Variants in IGFBP5 observed in about 807,000 individuals in gnomAD.
IGFBP5 encodes the protein insulin like growth factor binding protein 5, also known as insulin-like growth factor-binding protein 5.
In IGFBP5, 12 loss-of-function variants were observed where a neutral mutation model predicts 28.0. The ratio of observed to expected loss-of-function variants is 0.43; its 90% CI spans 0.27 to 0.69. The LOEUF is 0.69. Among genes scored for constraint, IGFBP5 ranks in the 30% least tolerant of loss-of-function variants. IGFBP5 has a pLI of 0.20. For missense variants in IGFBP5, 344 were observed against 381.6 expected (o/e 0.90, Z 0.82); for synonymous variants, 152 against 150.2 (o/e 1.01, Z -0.09).
At chr2:216,682,785 T>TTG (rs1688991276) in intron 1 of IGFBP5, among the ~76,000 whole-genome samples, 1 of 151,376 alleles carries the variant, frequency 6.6e-6, no homozygotes, top group East Asian at 2.0e-4. Flanking sequence ...CTCGGCTCAC[T>TTG]GTAAGCTCCG....
At chr2:216,677,973 T>G in intron 3 of IGFBP5, 139 bp downstream of exon 3, 2 of 673,388 alleles carry the variant, frequency 3.0e-6, no homozygotes, top group Non-Finnish European at 4.6e-6. Context: ...ATGATCGTGG[T>G]ATATGAATGG....
rs1027868830 is a variant in IGFBP5, at chr2:216,672,904, T to C, written c.*3847A>G. The C allele has an allele frequency of 9.8e-5, 15 of 152,710 alleles. No homozygotes were observed. Among genetic ancestry groups the C allele is most frequent in the African/African-American group, 3.4e-4 (14 of 41,482 alleles). The allele number at this position is 152,710 out of a possible 1,614,324, so 9.5% of individuals were successfully genotyped here. A position where few individuals can be genotyped will look rare whatever the true frequency, so the allele number is the denominator to read the frequency against. The stretch of plus-strand genomic sequence containing the variant: ...ACAGTGCAATGTAATTCTTGCACTT[T>C]AGTGGTTTTAAAAACACAGACAGTA... On this transcript the variant is annotated 3_prime_UTR_variant, in exon 4 of 4. Transcript: ENST00000233813.
At position 216,676,683 on chromosome 2, in the gene IGFBP5, A is replaced by G; in HGVS notation, c.*68T>C. 1.2e-6 allele frequency: 1 copy of G among 865,624 alleles called. No homozygotes were observed. The highest frequency in any genetic ancestry group is 1.7e-6 in the Non-Finnish European group (1 of 598,048). The allele number at this position is 865,624 out of a possible 1,614,324, so 53.6% of individuals were successfully genotyped here. A position where few individuals can be genotyped will look rare whatever the true frequency, so the allele number is the denominator to read the frequency against. ...TGAAATGAGTGGCGTCCTGGGGTGG[A>G]GGGAGGCGCTGGCTGGAGTCGGGGC... On this transcript the variant is annotated 3_prime_UTR_variant, in exon 4 of 4. Coordinates refer to ENST00000233813, the MANE Select transcript of IGFBP5 (RefSeq NM_000599.4).
At chr2:216,682,070 C>T (rs1377355522) in intron 1 of IGFBP5, among the ~76,000 whole-genome samples, 1 of 152,220 alleles carries the variant, frequency 6.6e-6, no homozygotes, top group African/African-American at 2.4e-5. Context: ...TGCAAACTCT[C>T]TCCTTTTCCC....
intron 1 of IGFBP5, among the ~76,000 whole-genome samples, chr2:216,693,031 A>G (rs1455489199): frequency 6.6e-6 from 1 of 152,008 alleles, no homozygotes; most frequent in Non-Finnish European, 1.5e-5. Context: ...CCGTAACTAA[A>G]CTGTCTCCGT....
At position 216,676,838 on chromosome 2, in the gene IGFBP5, C is replaced by G; in HGVS notation, c.732G>C (p.Val244=). The G allele has an allele frequency of 6.2e-7, 1 of 1,613,996 alleles. No individual in the cohort carries two copies. The highest frequency in any genetic ancestry group is 8.5e-7 in the Non-Finnish European group (1 of 1,179,930). ...RGRKRGICWC[V]DKYGMKLPGM... is the part of the protein sequence containing the mutation. ...CTGGCAGCTTCATCCCGTACTTGTCCACGCACCAGCAGATGCCACGTTTGC... is the reference window on the plus strand; with the variant it reads ...CTGGCAGCTTCATCCCGTACTTGTCGACGCACCAGCAGATGCCACGTTTGC... Residue 244 remains valine, a synonymous_variant, in exon 4 of 4, where the codon GTG becomes GTC. Coordinates refer to ENST00000233813, the MANE Select transcript of IGFBP5 (RefSeq NM_000599.4).
At chr2:216,683,437 A>G (rs1211070655) in intron 1 of IGFBP5, among the ~76,000 whole-genome samples, 1 of 152,198 alleles carries the variant, frequency 6.6e-6, no homozygotes, top group Non-Finnish European at 1.5e-5. Context: ...TAATCATTCA[A>G]ATAAATCCCT....
chr2:216,679,172 T>C lies in IGFBP5; in HGVS notation c.338-93A>G. ...GGGCAGTTTGGGGTGAGGGGAGTAATAAAGGCTGAAGCAGATGTGTCTCTG... is the reference window on the plus strand; with the variant it reads ...GGGCAGTTTGGGGTGAGGGGAGTAACAAAGGCTGAAGCAGATGTGTCTCTG... On this transcript the variant is annotated intron_variant, in intron 1 of 3. Transcript: ENST00000233813. This position sits in a 1 kb window ranked among gnomAD's most constrained non-coding sequence, Gnocchi z 4.6. The C allele has an allele frequency of 2.1e-6, 2 of 932,010 alleles. No individual in the cohort carries two copies. The highest frequency in any genetic ancestry group is 1.4e-5 in the South Asian group (1 of 73,650). 57.7% of individuals were successfully genotyped at this position (932,010 alleles called of 1,614,324 possible).
At position 216,692,091 on chromosome 2, in the gene IGFBP5, T is replaced by C. The variant is rs1305394325; in HGVS notation, c.337+2348A>G. ...ACTTTTTGGGGACCCGCCCAGTGGT[T>C]GTCCGGCTAAAACGCCCTTTCCAGG... On this transcript the variant is annotated intron_variant, in intron 1 of 3. Transcript: ENST00000233813. The surrounding 1 kb of genome is among the most constrained non-coding windows in gnomAD (Gnocchi z 4.2). Among the ~76,000 whole-genome samples, 9 of 152,104 alleles carry C rather than the reference T, an allele frequency of 5.9e-5. No homozygotes were observed. The highest frequency in any genetic ancestry group is 1.3e-4 in the Non-Finnish European group (9 of 68,028).
At chr2:216,678,004 A>G (rs1410831867) in intron 3 of IGFBP5, 108 bp downstream of exon 3, 2 of 1,082,572 alleles carry the variant, frequency 1.8e-6, no homozygotes, top group East Asian at 2.9e-5. Context: ...CCCAGGAAAC[A>G]CTAAGTGGTT....
chr2:216,677,361 G>C (rs1190136377), intron 3 of IGFBP5, among the ~76,000 whole-genome samples: 1 of 152,188 alleles, frequency 6.6e-6, no homozygotes, highest in Non-Finnish European at 1.5e-5. Flanking sequence ...AAGGAGGCAT[G>C]ATTTGTGGTG....
rs969192686 is a variant in IGFBP5, at chr2:216,672,181, A to C, written c.*4570T>G. The C allele has an allele frequency of 6.6e-6, 1 of 152,374 alleles. No individual in the cohort carries two copies. Among genetic ancestry groups the C allele is most frequent in the African/African-American group, 2.4e-5 (1 of 41,584 alleles). 9.4% of individuals were successfully genotyped at this position (152,374 alleles called of 1,614,324 possible). Reference sequence around the variant, plus strand: ...AAGATCAAGGAGTAACATAAATTATAAGTTGAATAAATAGTATACAGCAAT... The same window carrying C: ...AAGATCAAGGAGTAACATAAATTATCAGTTGAATAAATAGTATACAGCAAT... On this transcript the variant is annotated 3_prime_UTR_variant, in exon 4 of 4. Transcript: ENST00000233813.
intron 1 of IGFBP5, among the ~76,000 whole-genome samples, chr2:216,684,644 C>T (rs1171049000): frequency 6.6e-6 from 1 of 152,188 alleles, no homozygotes; most frequent in African/African-American, 2.4e-5. Context: ...ATTCTAGTCC[C>T]CCCTGTGGAA....
At chr2:216,680,218 C>G (rs558635767) in intron 1 of IGFBP5, among the ~76,000 whole-genome samples, 1 of 152,134 alleles carries the variant, frequency 6.6e-6, no homozygotes, top group East Asian at 1.9e-4. Flanking sequence ...TCATTGCCTC[C>G]CTCTTTTTTC....
chr2:216,681,434 G>A (rs528580552), intron 1 of IGFBP5, among the ~76,000 whole-genome samples: 5 of 152,260 alleles, frequency 3.3e-5, no homozygotes, highest in Admixed American at 1.3e-4. Flanking sequence ...CAGCGCATGC[G>A]TCTATGCGTC....
chr2:216,688,395 C>T (rs1271299745), intron 1 of IGFBP5, among the ~76,000 whole-genome samples: 1 of 152,018 alleles, frequency 6.6e-6, no homozygotes, highest in Non-Finnish European at 1.5e-5. Flanking sequence ...TTATTTTGAG[C>T]GTGTGGTGAA....
Position 216,678,900 on chromosome 2 carries a change from C to A in IGFBP5, c.517G>T (p.Ala173Ser), listed in dbSNP as rs753648042. ...SKFVGGAENTAHPRIISAPEM... is the reference protein window; with the variant it reads ...SKFVGGAENTSHPRIISAPEM... ...GGTGCAGAGATGATCCGGGGGTGGG[C>A]AGTGTTCTCGGCTCCCCCGACAAAC... The change falls in exon 2 of 4, where the codon GCC (alanine) becomes TCC (serine). Residue 173 changes from alanine to serine, a missense_variant. By Grantham distance (99) the Ala-to-Ser change is moderately conservative. This residue lies in a region of IGFBP5 where 304 missense variants were observed against 329.2 expected (regional missense o/e 0.92). Coordinates refer to ENST00000233813, the MANE Select transcript of IGFBP5 (RefSeq NM_000599.4). 4 of 1,614,170 alleles carry A rather than the reference C, an allele frequency of 2.5e-6. No homozygotes were observed. The East Asian group carries it at 8.9e-5, about 36-fold the overall frequency.
intron 1 of IGFBP5, among the ~76,000 whole-genome samples, chr2:216,680,273 C>T (rs1688957597): frequency 1.3e-5 from 2 of 152,104 alleles, no homozygotes; most frequent in African/African-American, 2.4e-5. Context: ...CCTTAAATAA[C>T]TGAAATGAGG....
rs1688939705 is a variant in IGFBP5 at position 216,679,086 on chromosome 2, G to A, written c.338-7C>T. 2 of 1,613,348 alleles carry A rather than the reference G, an allele frequency of 1.2e-6. No individual in the cohort carries two copies. Among genetic ancestry groups the A allele is most frequent in the Non-Finnish European group, 8.5e-7 (1 of 1,179,418 alleles). ...TGCTCACGGGAGTCTCTCTCTGCAGGAGAAGGAGCCGGAGGGTCAGCCCCC... is the reference window on the plus strand; with the variant it reads ...TGCTCACGGGAGTCTCTCTCTGCAGAAGAAGGAGCCGGAGGGTCAGCCCCC... On this transcript the variant is annotated splice_polypyrimidine_tract_variant and splice_region_variant and intron_variant, in intron 1 of 3. Transcript: ENST00000233813. The surrounding 1 kb of genome is among the most constrained non-coding windows in gnomAD (Gnocchi z 4.6).
Sources: allele counts gnomAD v4.1 joint callset (sites outside exome capture counted in the v4.1 genomes callset), GRCh38; gene constraint gnomAD v4.1.1; regional missense constraint gnomAD v4.1.1; non-coding constraint Gnocchi (gnomAD v3.1); transcripts MANE v1.5; gene names NCBI Gene and HGNC (gene_info 2026-07-23, HGNC 2026-07-21).